DCDC1: variants seen among roughly 807,000 people sequenced by gnomAD.
DCDC1 encodes doublecortin domain-containing protein 1.
In DCDC1, 200 loss-of-function variants were observed where a neutral mutation model predicts 178.3. The observed-to-expected ratio is 1.12, with a 90% CI of 1.00 to 1.26. The LOEUF is 1.26. Among genes scored for constraint, DCDC1 ranks in the 50% most tolerant of loss-of-function variants. DCDC1 has a pLI of 0.00. For missense variants in DCDC1, 1,983 were observed against 1,749.2 expected (o/e 1.13, Z -2.38); for synonymous variants, 690 against 604.8 (o/e 1.14, Z -2.07).
intron 34 of DCDC1, among the ~76,000 whole-genome samples, chr11:30,897,582 CAAAA>C (rs35815662): frequency 1.4e-5 from 1 of 72,958 alleles, no homozygotes; most frequent in Non-Finnish European, 2.6e-5. Flanking sequence ...GACTCCGTCT[CAAAA>C]AAAAAAAAAA....
intron 22 of DCDC1, among the ~76,000 whole-genome samples, chr11:30,926,157 G>T (rs773589437): frequency 2.0e-4 from 30 of 152,136 alleles, no homozygotes; most frequent in Non-Finnish European, 3.7e-4. Context: ...GAGAACAGAG[G>T]GGAAAACAAT....
intron 9 of DCDC1, among the ~76,000 whole-genome samples, chr11:31,222,494 C>G (rs1408515521): frequency 1.3e-5 from 2 of 152,222 alleles, no homozygotes; most frequent in African/African-American, 2.4e-5. Flanking sequence ...AAAGCCACTT[C>G]CACATGTCTA....
intron 38 of DCDC1, among the ~76,000 whole-genome samples, chr11:30,868,494 A>G (rs1402240983): frequency 1.3e-5 from 2 of 151,702 alleles, no homozygotes; most frequent in Admixed American, 6.6e-5. Context: ...CAGGTGATCC[A>G]CCCACCTCGG....
intron 23 of DCDC1, among the ~76,000 whole-genome samples, chr11:30,925,071 TC>T: frequency 7.1e-6 from 1 of 140,092 alleles, no homozygotes. Flanking sequence ...AAACTCCATC[TC>T]AAAAAAAAAA....
intron 36 of DCDC1, among the ~76,000 whole-genome samples, chr11:30,881,660 C>A (rs1424004819): frequency 6.6e-6 from 1 of 152,128 alleles, no homozygotes; most frequent in Non-Finnish European, 1.5e-5. Context: ...GACCAAGGAA[C>A]TTGAATGACA....
At chr11:31,092,492 C>T (rs534473336) in intron 16 of DCDC1, among the ~76,000 whole-genome samples, 50 of 152,246 alleles carry the variant, frequency 3.3e-4, no homozygotes, top group African/African-American at 1.2e-3. Flanking sequence ...ATCTTCACAG[C>T]AACTGTGCAA....
intron 9 of DCDC1, among the ~76,000 whole-genome samples, chr11:31,141,928 A>G (rs1963873651): frequency 6.6e-6 from 1 of 152,248 alleles, no homozygotes; most frequent in African/African-American, 2.4e-5. Context: ...AGTTACTGAA[A>G]AGAGCTCCGT....
intron 3 of DCDC1, among the ~76,000 whole-genome samples, chr11:31,308,739 T>C (rs1948601071): frequency 6.6e-6 from 1 of 152,162 alleles, no homozygotes; most frequent in African/African-American, 2.4e-5. Context: ...TGAATAGGTA[T>C]AGAATATACC....
At chr11:31,192,491 A>G (rs1970242924) in intron 9 of DCDC1, among the ~76,000 whole-genome samples, 1 of 152,104 alleles carries the variant, frequency 6.6e-6, no homozygotes, top group South Asian at 2.1e-4. Flanking sequence ...TCTTTGACAG[A>G]AGTTGGTACC....
intron 9 of DCDC1, among the ~76,000 whole-genome samples, chr11:31,241,177 T>G (rs1163688814): frequency 1.3e-5 from 2 of 152,016 alleles, no homozygotes; most frequent in Non-Finnish European, 2.9e-5. Context: ...GTCTATAGAA[T>G]TTCCATGTAA....
At chr11:31,063,257 T>C (rs1406221154) in intron 20 of DCDC1, among the ~76,000 whole-genome samples, 1 of 152,106 alleles carries the variant, frequency 6.6e-6, no homozygotes, top group Non-Finnish European at 1.5e-5. Context: ...CTGGTGGGAC[T>C]GTAAACTAGT....
intron 18 of DCDC1, 124 bp downstream of exon 18, chr11:31,077,741 G>A (rs1956951750): frequency 9.7e-6 from 5 of 514,844 alleles, no homozygotes; most frequent in Non-Finnish European, 1.7e-5. Flanking sequence ...AAATTTCTAG[G>A]TACAGAGTGA....
At chr11:30,939,731 G>T (rs188162524) in intron 21 of DCDC1, among the ~76,000 whole-genome samples, 2 of 152,170 alleles carry the variant, frequency 1.3e-5, no homozygotes, top group African/African-American at 4.8e-5. Flanking sequence ...CTAGGTACAT[G>T]AGCTGAGCAG....
chr11:30,949,459 G>A (rs1187099030), intron 21 of DCDC1, among the ~76,000 whole-genome samples: 1 of 152,122 alleles, frequency 6.6e-6, no homozygotes, highest in Non-Finnish European at 1.5e-5. Context: ...ATTCCTCAAG[G>A]ATCTAGAACC....
intron 21 of DCDC1, 131 bp from the exon 22 acceptor site, chr11:30,932,083 A>T (rs549589260): frequency 1.6e-5 from 12 of 729,306 alleles, no homozygotes; most frequent in African/African-American, 1.6e-4. Flanking sequence ...TGGGGTACCT[A>T]AGATGCTCCA....
Position 30,917,702 on chromosome 11 carries a change from G to A in DCDC1, c.3294-674C>T, listed in dbSNP as rs373525272. Among the ~76,000 whole-genome samples, 11 of 152,294 alleles carry A rather than the reference G, an allele frequency of 7.2e-5. No homozygotes were observed. In the South Asian group the frequency reaches 1.0e-3, roughly 14 times the overall value. ...CCAGGCCACTGTTGAGAGCACATTT[G>A]CCTTCAGTGGGATTGTGATATGAGG... On this transcript the variant is annotated intron_variant, in intron 25 of 38. Transcript: ENST00000684477.
intron 8 of DCDC1, among the ~76,000 whole-genome samples, chr11:31,257,688 A>AG (rs1249901860): frequency 1.4e-5 from 2 of 144,174 alleles, no homozygotes; most frequent in African/African-American, 5.1e-5. Context: ...TTTGACAGAT[A>AG]GGAAAACACA....
intron 31 of DCDC1, chr11:30,903,938 A>G (rs1338459900): frequency 1.8e-5 from 5 of 280,028 alleles, no homozygotes; most frequent in Non-Finnish European, 3.3e-5. Flanking sequence ...CAGCTGACAT[A>G]TATTAATATA....
intron 20 of DCDC1, among the ~76,000 whole-genome samples, chr11:30,978,814 ACACACACACACACC>A (rs895797051): frequency 2.2e-4 from 20 of 90,676 alleles, no homozygotes; most frequent in South Asian, 7.5e-4. Flanking sequence ...ACACACACAC[ACACACACACACACC>A]CCCTTCTCAG....
Sources: allele counts gnomAD v4.1 joint callset (sites outside exome capture counted in the v4.1 genomes callset), GRCh38; gene constraint gnomAD v4.1.1; transcripts MANE v1.5; gene names NCBI Gene and HGNC (gene_info 2026-07-23, HGNC 2026-07-21).